C2CD3: variants seen among roughly 807,000 people sequenced by gnomAD.
C2CD3 encodes C2 domain-containing protein 3.
A neutral mutation model predicts 234.0 loss-of-function variants in C2CD3; 148 were observed. The ratio of observed to expected loss-of-function variants is 0.63; its 90% CI spans 0.55 to 0.72. The LOEUF (loss-of-function observed/expected upper bound fraction) is 0.72, where lower values mean the gene tolerates loss of function less well. Among genes scored for constraint, C2CD3 ranks in the 30% least tolerant of loss-of-function variants. The pLI, the probability that C2CD3 is intolerant of heterozygous loss-of-function variation, is 0.00. For missense variants in C2CD3, 2,577 were observed against 2,811.5 expected, an observed-to-expected ratio of 0.92 and a Z score of 1.89; for synonymous variants, 1,000 against 1,035.4, an observed-to-expected ratio of 0.97 and a Z score of 0.66.
At chr11:74,084,242 A>T (rs1955531590) in intron 22 of C2CD3, among the ~76,000 whole-genome samples, 1 of 152,106 alleles carries the variant, frequency 6.6e-6, no homozygotes, top group Admixed American at 6.5e-5. Flanking sequence ...GAACTGAACA[A>T]TGAGAACACT....
intron 24 of C2CD3, among the ~76,000 whole-genome samples, chr11:74,064,625 G>A (rs572158012): frequency 3.9e-5 from 6 of 152,210 alleles, no homozygotes; most frequent in East Asian, 1.9e-4. Context: ...ACAATCCTAC[G>A]CCAAAAGAAC....
chr11:74,147,118 T>C (rs1206816338), intron 3 of C2CD3, among the ~76,000 whole-genome samples: 1 of 152,016 alleles, frequency 6.6e-6, no homozygotes, highest in East Asian at 1.9e-4. Flanking sequence ...ATATTTTGCT[T>C]GCTAACTGGA....
At chr11:74,133,067 A>G in intron 6 of C2CD3, 95 bp from the exon 7 acceptor site, 4 of 1,175,744 alleles carry the variant, frequency 3.4e-6, no homozygotes, top group Non-Finnish European at 3.7e-6. Context: ...TCTGACTCAG[A>G]AAATTTAACA....
Position 74,123,699 on chromosome 11 carries a change from C to A in C2CD3, c.1218-564G>T, listed in dbSNP as rs1002208706. On this transcript the variant is annotated intron_variant, in intron 7 of 32. Coordinates refer to ENST00000334126, the MANE Select transcript of C2CD3 (RefSeq NM_001286577.2). ...CTATAAACTCAGAATTTTGAAGGAA[C>A]AAATACTCCTTTTTTTTTTGAAATC... is the stretch of plus-strand genomic sequence containing the variant. Among the ~76,000 whole-genome samples, 6 of 146,910 alleles carry A rather than the reference C, an allele frequency of 4.1e-5. No individual in the cohort carries two copies. The East Asian group carries it at 9.9e-4, about 24-fold the overall frequency.
chr11:74,103,210 C>T lies in C2CD3; in HGVS notation c.2501G>A (p.Cys834Tyr), dbSNP rs151131853. The change falls in exon 14 of 33, where the codon TGT (cysteine) becomes TAT (tyrosine). Residue 834 changes from cysteine (C) to tyrosine (Y), a missense_variant. By Grantham distance (194) the Cys-to-Tyr change is radical (BLOSUM62 -2). Coordinates refer to ENST00000334126, the MANE Select transcript of C2CD3 (RefSeq NM_001286577.2). ...GACTTCCTCTGTGCTGAAGAGTTTA[C>T]AATTTAAATAAACATTGCATGGTGA... ...KQSPCNVYLN[C>Y]KLFSTEEVTR... is the part of the protein sequence containing the mutation. The T allele has an allele frequency of 1.9e-4, 303 of 1,614,144 alleles. No individual in the cohort carries two copies. The African/African-American group carries it at 3.9e-3, about 21-fold the overall frequency.
rs760402219 is a variant in C2CD3, at chr11:74,037,597, T to C, written c.5762A>G (p.Gln1921Arg). 8.7e-6 allele frequency: 14 copies of C among 1,614,020 alleles called. No homozygotes were observed. The highest frequency in any genetic ancestry group is 1.6e-4 in the Middle Eastern group (1 of 6,084). The change falls in exon 30 of 33, where the codon CAG becomes CGG. Residue 1921 changes from glutamine (Q) to arginine (R), a missense_variant. Coordinates refer to ENST00000334126, the MANE Select transcript of C2CD3 (RefSeq NM_001286577.2). ...LSPQTQTAISQHQESCRDHLG... is the reference protein window; with the variant it reads ...LSPQTQTAISRHQESCRDHLG... ...ATGGTCCCTACAGCTCTCCTGGTGC[T>C]GTGAGATGGCCGTTTGAGTCTGAGG...
intron 24 of C2CD3, among the ~76,000 whole-genome samples, chr11:74,068,523 A>G (rs189400483): frequency 1.4e-4 from 21 of 152,288 alleles, no homozygotes; most frequent in African/African-American, 3.9e-4. Flanking sequence ...ACATACCCAC[A>G]GAAGATAGCA....
At chr11:74,125,083 A>T (rs1957364815) in intron 7 of C2CD3, among the ~76,000 whole-genome samples, 2 of 152,208 alleles carry the variant, frequency 1.3e-5, no homozygotes, top group Non-Finnish European at 2.9e-5. Flanking sequence ...TATAATAAAA[A>T]ACAGTAGCTG....
intron 7 of C2CD3, among the ~76,000 whole-genome samples, chr11:74,131,927 T>C (rs1957692914): frequency 6.6e-6 from 1 of 152,186 alleles, no homozygotes; most frequent in African/African-American, 2.4e-5. Context: ...TTTTAACCAC[T>C]ATGCCCTATT....
chr11:74,036,370 G>A, intron 30 of C2CD3: 1 of 451,316 alleles, frequency 2.2e-6, no homozygotes, highest in South Asian at 1.6e-5. Context: ...ACAAATAACA[G>A]AATAGTGCCT....
Position 74,033,596 on chromosome 11 carries a change from C to G in C2CD3, c.6564G>C (p.Thr2188=). 6.5e-7 allele frequency: 1 copy of G among 1,536,198 alleles called. No individual in the cohort carries two copies. Among genetic ancestry groups the G allele is most frequent in the Non-Finnish European group, 8.7e-7 (1 of 1,146,914 alleles). The part of the protein sequence containing the change: ...PTLSGAQQSS[T]FVGWSSPQTD... ...TCTGTGGTGAGCTCCATCCAACAAACGTGCTGCTCTGTTGAGCTCCTGAGA... is the reference window on the plus strand; with the variant it reads ...TCTGTGGTGAGCTCCATCCAACAAAGGTGCTGCTCTGTTGAGCTCCTGAGA... The change falls in exon 31 of 33, where the codon ACG becomes ACC. Residue 2188 remains threonine (T), a synonymous_variant. Coordinates refer to ENST00000334126, the MANE Select transcript of C2CD3 (RefSeq NM_001286577.2).
In C2CD3 at chr11:74,021,664, T is replaced by C. The variant is rs151118346; in HGVS notation, c.6921+6623A>G. Reference sequence around the variant, plus strand: ...GCAATCAGGCACTGAGATTTGATAATTGACTTAGGAATATGGAAGTTTTTT... The same window carrying C: ...GCAATCAGGCACTGAGATTTGATAACTGACTTAGGAATATGGAAGTTTTTT... On this transcript the variant is annotated intron_variant, in intron 32 of 32. Transcript: ENST00000334126. 5.3e-5 allele frequency among the ~76,000 whole-genome samples: 8 copies of C among 152,182 alleles called. No individual in the cohort carries two copies. In the East Asian group the frequency reaches 5.8e-4, roughly 11 times the overall value.
chr11:74,151,969 G>GATGATTAATGAACTTGA (rs1437607352), intron 3 of C2CD3, among the ~76,000 whole-genome samples: 2 of 152,270 alleles, frequency 1.3e-5, no homozygotes, highest in South Asian at 4.1e-4. Context: ...TACTGCACAA[G>GATGATTAATGAACTTGA]ATGATTAATG....
chr11:74,144,569 G>A (rs932213849), intron 3 of C2CD3, among the ~76,000 whole-genome samples: 12 of 152,082 alleles, frequency 7.9e-5, no homozygotes, highest in South Asian at 4.2e-4. Context: ...CACAGTACCC[G>A]ACAGGTTTTT....
chr11:74,091,047 A>G (rs1955873103), intron 19 of C2CD3, 111 bp from the exon 20 acceptor site: 3 of 1,023,164 alleles, frequency 2.9e-6, no homozygotes, highest in Admixed American at 2.4e-5. Flanking sequence ...ACAACGAACA[A>G]TAAGGGCAAT....
chr11:74,124,605 T>C (rs959581607), intron 7 of C2CD3, among the ~76,000 whole-genome samples: 1 of 152,142 alleles, frequency 6.6e-6, no homozygotes, highest in Non-Finnish European at 1.5e-5. Context: ...CATCAATCTA[T>C]AGTAACTCTC....
chr11:74,090,957 G>T (rs1049646458), intron 19 of C2CD3, 21 bp from the exon 20 acceptor site: 4 of 1,612,154 alleles, frequency 2.5e-6, no homozygotes, highest in Admixed American at 3.3e-5. Flanking sequence ...AGGACACAAG[G>T]AAAGAAGGTT....
intron 19 of C2CD3, 120 bp downstream of exon 19, chr11:74,092,296 C>G (rs1249612846): frequency 1.2e-6 from 1 of 803,724 alleles, no homozygotes; most frequent in Non-Finnish European, 2.0e-6. Flanking sequence ...CTCAGGTGAT[C>G]CACCCGCCTT....
At chr11:74,112,885 A>G (rs1956792746) in intron 11 of C2CD3, among the ~76,000 whole-genome samples, 1 of 152,256 alleles carries the variant, frequency 6.6e-6, no homozygotes, top group Admixed American at 6.5e-5. Context: ...ACAGTCTGGC[A>G]GTTCTTGAAA....
Sources: gnomAD v4.1 joint callset for allele counts (sites outside exome capture counted in the v4.1 genomes callset) on GRCh38, gnomAD v4.1.1 for gene constraint, MANE v1.5 for transcripts, NCBI Gene and HGNC (gene_info 2026-07-23, HGNC 2026-07-21) for gene names.